MED1: variants seen among roughly 807,000 people sequenced by gnomAD.
MED1 encodes mediator of RNA polymerase II transcription subunit 1.
MED1 carries 17 observed loss-of-function variants against 121.3 expected under a neutral mutation model. The observed-to-expected ratio is 0.14, with a 90% CI of 0.10 to 0.21. MED1 has a LOEUF of 0.21. Ranked by LOEUF, MED1 falls within the 10% of genes least tolerant of loss-of-function variation. The pLI, the probability that MED1 is intolerant of heterozygous loss-of-function variation, is 1.00. For missense variants in MED1, 1,558 were observed against 1,919.4 expected, an observed-to-expected ratio of 0.81 and a Z score of 3.52; for synonymous variants, 661 against 694.4, an observed-to-expected ratio of 0.95 and a Z score of 0.76.
rs909855537 is a variant in MED1 at position 39,409,359 on chromosome 17, C to G, written c.2862G>C (p.Gln954His). The G allele has an allele frequency of 1.9e-6, 3 of 1,613,922 alleles. No individual in the cohort carries two copies. In the African/African-American group the frequency reaches 4.0e-5, roughly 22 times the overall value. ...AGTCCCCAGTGGTCAGTAAAGGACC[C>G]TGACTACCACTGTGATGCTCCATAA... is the stretch of plus-strand genomic sequence containing the variant. ...ADLMEHHSGS[Q>H]GPLLTTGDLG... The change falls in exon 17 of 17, where the codon CAG (glutamine) becomes CAC (histidine). Residue 954 changes from glutamine (Q) to histidine (H), a missense_variant. Physicochemically the swap from Gln to His is conservative, Grantham distance 24. Coordinates refer to ENST00000300651, the MANE Select transcript of MED1 (RefSeq NM_004774.4).
chr17:39,434,271 G>T lies in MED1; in HGVS notation c.478C>A (p.Leu160Met). 1 of 1,570,396 alleles carries T rather than the reference G, an allele frequency of 6.4e-7. No individual in the cohort carries two copies. The highest frequency in any genetic ancestry group is 1.2e-5 in the South Asian group (1 of 83,480). Residue 160 changes from leucine to methionine, a missense_variant, in exon 7 of 17, where the codon CTG (leucine) becomes ATG (methionine). Leu to Met is a conservative substitution (Grantham distance 15). This residue lies in a region of MED1 where 443 missense variants were observed against 532.4 expected (regional missense o/e 0.83). Transcript: ENST00000300651. ...FSKHLKGLVN[L>M]YNLPGDNKLK... ...TACTTGTCCCCTGGAAGGTTATACA[G>T]ATTAACAAGGCCCTTAAGGTGCTTA... is the stretch of plus-strand genomic sequence containing the variant.
rs1490876202 is a variant in MED1, at chr17:39,405,426, C to G, written c.*2049G>C. On this transcript the variant is annotated 3_prime_UTR_variant, in exon 17 of 17. Coordinates refer to ENST00000300651, the MANE Select transcript of MED1 (RefSeq NM_004774.4). ...TTCAGTACATTCCCCCTAAGATTCTCCCCACTCAGAACAAATTTTAAAAAC... is the reference window on the plus strand; with the variant it reads ...TTCAGTACATTCCCCCTAAGATTCTGCCCACTCAGAACAAATTTTAAAAAC... 30 of 1,400,224 alleles carry G rather than the reference C, an allele frequency of 2.1e-5. No individual in the cohort carries two copies. Among genetic ancestry groups the G allele is most frequent in the Middle Eastern group, 1.9e-4 (1 of 5,376 alleles). The allele number at this position is 1,400,224 out of a possible 1,614,324, so 86.7% of individuals were successfully genotyped here.
At chr17:39,430,724 A>C (rs1031164870) in intron 9 of MED1, among the ~76,000 whole-genome samples, 6 of 149,418 alleles carry the variant, frequency 4.0e-5, no homozygotes, top group Non-Finnish European at 8.9e-5. Flanking sequence ...AATAAAAATT[A>C]ACAAATAAAT....
At chr17:39,431,309 C>G in intron 8 of MED1, 121 bp from the exon 9 acceptor site, 1 of 767,974 alleles carries the variant, frequency 1.3e-6, no homozygotes, top group African/African-American at 1.8e-5. Flanking sequence ...CGGAGTTTCG[C>G]TCTTGTCGCC....
At chr17:39,411,802 C>A (rs538377013) in intron 16 of MED1, among the ~76,000 whole-genome samples, 2 of 152,042 alleles carry the variant, frequency 1.3e-5, no homozygotes, top group East Asian at 3.9e-4. Context: ...GTTTTGAGAC[C>A]AGCCTGGCCA....
rs111917330 is a variant in MED1 at position 39,423,605 on chromosome 17, C to T, written c.976+92G>A. On this transcript the variant is annotated intron_variant, in intron 12 of 16. Coordinates refer to ENST00000300651, the MANE Select transcript of MED1 (RefSeq NM_004774.4). ...CTTTACCAGTAATACTTCAATGAGG[C>T]ATGTAAGACTGAAAGACGTCATGAT... The T allele has an allele frequency of 9.4e-5, 145 of 1,541,074 alleles. 2 individuals are homozygous for T. In the Middle Eastern group the frequency reaches 2.4e-3, roughly 25 times the overall value.
chr17:39,440,021 A>G lies in MED1; in HGVS notation c.399+365T>C, dbSNP rs146609664. The stretch of plus-strand genomic sequence containing the variant: ...AGGAAGGAAGGAAGGAAGGAAGGAA[A>G]GAAAGAAAGAAAGAGAGAAAGAGAA... On this transcript the variant is annotated intron_variant, in intron 5 of 16. Transcript: ENST00000300651. The surrounding 1 kb of genome is among the most constrained non-coding windows in gnomAD (Gnocchi z 4.1). Among the ~76,000 whole-genome samples the G allele has an allele frequency of 0.056, 4,170 of 74,386 alleles. 71 individuals carry two copies. The highest frequency in any genetic ancestry group is 0.19 in the East Asian group (490 of 2,520). 48.8% of individuals were successfully genotyped at this position (74,386 alleles called of 152,430 possible).
chr17:39,421,825 T>C, intron 13 of MED1, among the ~76,000 whole-genome samples: 1 of 151,176 alleles, frequency 6.6e-6, no homozygotes, highest in Non-Finnish European at 1.5e-5. Context: ...AAGTTCAAAA[T>C]ACCATTAAGA....
intron 9 of MED1, among the ~76,000 whole-genome samples, chr17:39,429,652 C>T (rs1172018586): frequency 3.5e-5 from 5 of 141,666 alleles, no homozygotes; most frequent in Non-Finnish European, 6.1e-5. Flanking sequence ...GCCAAGATCG[C>T]GCCACTGCAC....
Position 39,424,754 on chromosome 17 carries a change from A to G in MED1, c.740-16T>C, listed in dbSNP as rs763956133. 5 of 1,425,896 alleles carry G rather than the reference A, an allele frequency of 3.5e-6. No individual in the cohort carries two copies. The highest frequency in any genetic ancestry group is 4.9e-6 in the Non-Finnish European group (5 of 1,012,644). 88.3% of individuals were successfully genotyped at this position (1,425,896 alleles called of 1,614,324 possible). On this transcript the variant is annotated splice_polypyrimidine_tract_variant and intron_variant, in intron 10 of 16. Coordinates refer to ENST00000300651, the MANE Select transcript of MED1 (RefSeq NM_004774.4). The stretch of plus-strand genomic sequence containing the variant: ...GATCGAGAAACTGGGGATAGGAAAG[A>G]AAAAGGGTATTCCTCAAAGTAATAC...
Position 39,407,095 on chromosome 17 carries a change from AC to A in MED1, c.*379del, listed in dbSNP as rs1230349573. The stretch of plus-strand genomic sequence containing the variant: ...TCTGCCCAGCCCTTCATATACATGC[AC>A]TAAAATGAGTTTAAAACATGGCCTA... On this transcript the variant is annotated 3_prime_UTR_variant, in exon 17 of 17. Coordinates refer to ENST00000300651, the MANE Select transcript of MED1 (RefSeq NM_004774.4). 2 of 997,672 alleles carry A rather than the reference AC, an allele frequency of 2.0e-6. No individual in the cohort carries two copies. The highest frequency in any genetic ancestry group is 1.7e-5 in the African/African-American group (1 of 57,580). 61.8% of individuals were successfully genotyped at this position (997,672 alleles called of 1,614,324 possible).
chr17:39,407,961 C>A lies in MED1; in HGVS notation c.4260G>T (p.Gly1420=), dbSNP rs747791009. 6.2e-7 allele frequency: 1 copy of A among 1,614,080 alleles called. No individual in the cohort carries two copies. Among genetic ancestry groups the A allele is most frequent in the East Asian group, 2.2e-5 (1 of 44,888 alleles). ...TAGAAGAAGCCATTTGAGGCCTAAGCCCTTCTCCACTACTTTCCCCAGGTT... is the reference window on the plus strand; with the variant it reads ...TAGAAGAAGCCATTTGAGGCCTAAGACCTTCTCCACTACTTTCCCCAGGTT... ...LQKPGESSGE[G]LRPQMASSKN... The change falls in exon 17 of 17, where the codon GGG becomes GGT. Residue 1420 remains glycine (G), a synonymous_variant. Coordinates refer to ENST00000300651, the MANE Select transcript of MED1 (RefSeq NM_004774.4).
At chr17:39,438,159 G>A (rs969163563) in intron 6 of MED1, among the ~76,000 whole-genome samples, 2 of 150,918 alleles carry the variant, frequency 1.3e-5, no homozygotes, top group African/African-American at 2.4e-5. Flanking sequence ...CCCACATGGC[G>A]AAACCTCGTC....
At position 39,427,893 on chromosome 17, in the gene MED1, A is replaced by C. The variant is rs2048529678; in HGVS notation, c.650-103T>G. 1.7e-5 allele frequency: 12 copies of C among 722,234 alleles called. No individual in the cohort carries two copies. In the South Asian group the frequency reaches 2.2e-4, roughly 13 times the overall value. 44.7% of individuals were successfully genotyped at this position (722,234 alleles called of 1,614,324 possible). On this transcript the variant is annotated intron_variant, in intron 9 of 16. Transcript: ENST00000300651. ...AAACCGATATTCAAGAAAGTACTTTAACATATATGAAGAGTCATGCTCCAA... is the reference window on the plus strand; with the variant it reads ...AAACCGATATTCAAGAAAGTACTTTCACATATATGAAGAGTCATGCTCCAA...
At position 39,407,649 on chromosome 17, in the gene MED1, T is replaced by C. The variant is rs1456567124; in HGVS notation, c.4572A>G (p.Lys1524=). Residue 1524 remains lysine (K), a synonymous_variant, in exon 17 of 17, where the codon AAA becomes AAG. Coordinates refer to ENST00000300651, the MANE Select transcript of MED1 (RefSeq NM_004774.4). ...AACTCTCTGGCTTGATGCTATGAGA[T>C]TTTTTCTTGTCTCGGTCTTTGTCCC... ...RDRDKDRDKK[K]SHSIKPESWS... is the part of the protein sequence containing the mutation. 6 of 1,614,138 alleles carry C rather than the reference T, an allele frequency of 3.7e-6. No homozygotes were observed. Among genetic ancestry groups the C allele is most frequent in the Non-Finnish European group, 5.1e-6 (6 of 1,180,016 alleles).
intron 6 of MED1, among the ~76,000 whole-genome samples, chr17:39,435,696 T>C (rs575929583): frequency 3.9e-5 from 6 of 152,156 alleles, no homozygotes; most frequent in Admixed American, 6.6e-5. Flanking sequence ...TATTTCTTTT[T>C]TTCTCCTTTT....
intron 1 of MED1, among the ~76,000 whole-genome samples, chr17:39,449,512 T>C (rs1195293753): frequency 8.7e-6 from 1 of 115,518 alleles, no homozygotes; most frequent in Non-Finnish European, 1.9e-5. Flanking sequence ...TCAATTTTTT[T>C]TCTTTTTTTT....
chr17:39,439,063 A>G (rs1041518446), intron 6 of MED1, 102 bp downstream of exon 6: 3 of 1,070,942 alleles, frequency 2.8e-6, no homozygotes, highest in Non-Finnish European at 4.1e-6. Flanking sequence ...CAAGAAAATA[A>G]ACTTGTTCCT....
rs2048596850 is a variant in MED1, at chr17:39,434,188, G to A, written c.500+61C>T. 5.0e-6 allele frequency: 6 copies of A among 1,189,452 alleles called. No individual in the cohort carries two copies. The South Asian group carries it at 7.1e-5, about 14-fold the overall frequency. 73.7% of individuals were successfully genotyped at this position (1,189,452 alleles called of 1,614,324 possible). On this transcript the variant is annotated intron_variant, in intron 7 of 16. Transcript: ENST00000300651. ...AGAGGTGGCAAATTTCTAGGCATAA[G>A]GTGGCTTATAGATTTATACTGATTT...
Sources: gnomAD v4.1 joint callset for allele counts (sites outside exome capture counted in the v4.1 genomes callset) on GRCh38, gnomAD v4.1.1 for gene constraint, gnomAD v4.1.1 regional missense constraint, Gnocchi (gnomAD v3.1) non-coding constraint, MANE v1.5 for transcripts, NCBI Gene and HGNC (gene_info 2026-07-23, HGNC 2026-07-21) for gene names.